GPHB5: variants seen among roughly 807,000 people sequenced by gnomAD.
The protein encoded by GPHB5 is glycoprotein hormone beta-5.
A neutral mutation model predicts 10.1 loss-of-function variants in GPHB5; 7 were observed. That is an observed-to-expected ratio of 0.69 (90% confidence interval 0.39 to 1.30). The LOEUF (loss-of-function observed/expected upper bound fraction) is 1.30, where lower values mean the gene tolerates loss of function less well. Among genes scored for constraint, GPHB5 ranks in the 50% most tolerant of loss-of-function variants. The pLI, the probability that GPHB5 is intolerant of heterozygous loss-of-function variation, is 0.01. For synonymous variants in GPHB5, 68 were observed against 70.1 expected (o/e 0.97, Z 0.15); for missense variants, 161 against 169.8 (o/e 0.95, Z 0.29).
In GPHB5 at chr14:63,313,033, C is replaced by T; in HGVS notation, c.288G>A (p.Leu96=). The part of the protein sequence containing the change: ...YNETKQVTVK[L]PNCAPGVDPF... ...GGTCGACTCCCGGGGCACAGTTGGG[C>T]AGCTTGACAGTCACCTGTTTGGTCT... The change falls in exon 3 of 3, where the codon CTG becomes CTA. Residue 96 remains leucine (L), a synonymous_variant. Transcript: ENST00000621500. 1 of 1,602,688 alleles carries T rather than the reference C, an allele frequency of 6.2e-7. No homozygotes were observed. Among genetic ancestry groups the T allele is most frequent in the South Asian group, 1.1e-5 (1 of 88,532 alleles).
chr14:63,313,439 C>T (rs1325126712), intron 2 of GPHB5, among the ~76,000 whole-genome samples: 2 of 152,146 alleles, frequency 1.3e-5, no homozygotes, highest in East Asian at 1.9e-4. Flanking sequence ...TGCAACACAG[C>T]GGCCCTGAGT....
chr14:63,314,968 T>C (rs923076704), intron 2 of GPHB5, among the ~76,000 whole-genome samples: 11 of 149,486 alleles, frequency 7.4e-5, no homozygotes, highest in Non-Finnish European at 1.5e-4. Context: ...AGTGGCATGA[T>C]CTTGGCTCAC....
At chr14:63,314,700 C>A (rs1882738899) in intron 2 of GPHB5, among the ~76,000 whole-genome samples, 1 of 152,058 alleles carries the variant, frequency 6.6e-6, no homozygotes, top group South Asian at 2.1e-4. Context: ...GCGTGAGCCA[C>A]CACGCCCAGC....
Position 63,317,269 on chromosome 14 carries a change from T to A in GPHB5, c.204+377A>T, listed in dbSNP as rs552164174. Among the ~76,000 whole-genome samples the A allele has an allele frequency of 7.9e-5, 12 of 152,222 alleles. No homozygotes were observed. The South Asian group carries it at 2.5e-3, about 32-fold the overall frequency. On this transcript the variant is annotated intron_variant, in intron 2 of 2. Transcript: ENST00000621500. ...ATAGGGAGGAGTTTGGGTCACAAGC[T>A]TGAACCACAGATTGATTCCCAGCTT...
intron 2 of GPHB5, among the ~76,000 whole-genome samples, chr14:63,316,539 T>G (rs1404403317): frequency 6.6e-6 from 1 of 151,832 alleles, no homozygotes; most frequent in East Asian, 1.9e-4. Flanking sequence ...AGACGAAAAG[T>G]AGAGCATAGT....
At chr14:63,316,955 C>G (rs1257117308) in intron 2 of GPHB5, among the ~76,000 whole-genome samples, 2 of 152,212 alleles carry the variant, frequency 1.3e-5, no homozygotes, top group African/African-American at 4.8e-5. Context: ...AGCTCTCTTC[C>G]TCTTCATCAC....
At chr14:63,313,951 T>TA (rs764574444) in intron 2 of GPHB5, among the ~76,000 whole-genome samples, 2 of 152,186 alleles carry the variant, frequency 1.3e-5, no homozygotes, top group Non-Finnish European at 2.9e-5. Flanking sequence ...CTCTAGAAAG[T>TA]AAGCTCTTTT....
chr14:63,315,658 T>G (rs915678004), intron 2 of GPHB5, among the ~76,000 whole-genome samples: 1 of 152,230 alleles, frequency 6.6e-6, no homozygotes, highest in African/African-American at 2.4e-5. Context: ...TTTTCAGACA[T>G]GCTTTCAGTT....
At chr14:63,317,279 G>A (rs1255579) in intron 2 of GPHB5, among the ~76,000 whole-genome samples, 60,873 of 151,870 alleles carry the variant, frequency 0.4, 13,835 homozygotes, top group African/African-American at 0.62. Context: ...TTGAACCACA[G>A]ATTGATTCCC....
rs970692911 is a variant in GPHB5, at chr14:63,313,042, A to G, written c.279T>C (p.Thr93=). The G allele has an allele frequency of 3.7e-6, 6 of 1,605,184 alleles. No individual in the cohort carries two copies. The African/African-American group carries it at 4.0e-5, about 11-fold the overall frequency. Reference sequence around the variant, plus strand: ...CCGGGGCACAGTTGGGCAGCTTGACAGTCACCTGTTTGGTCTCGTTGTAGG... The same window carrying G: ...CCGGGGCACAGTTGGGCAGCTTGACGGTCACCTGTTTGGTCTCGTTGTAGG... The part of the protein sequence containing the change: ...VCTYNETKQV[T]VKLPNCAPGV... Residue 93 remains threonine, a synonymous_variant, in exon 3 of 3, where the codon ACT becomes ACC. Transcript: ENST00000621500.
At chr14:63,313,431 CA>C (rs1882708833) in intron 2 of GPHB5, among the ~76,000 whole-genome samples, 1 of 152,194 alleles carries the variant, frequency 6.6e-6, no homozygotes, top group African/African-American at 2.4e-5. Context: ...AATCTATTTG[CA>C]ACACAGCGGC....
At chr14:63,314,651 A>G (rs923777225) in intron 2 of GPHB5, among the ~76,000 whole-genome samples, 8 of 152,022 alleles carry the variant, frequency 5.3e-5, no homozygotes, top group African/African-American at 1.9e-4. Context: ...TGACCTCGTG[A>G]TCTGCCTGCC....
Position 63,312,966 on chromosome 14 carries a change from C to A in GPHB5, c.355G>T (p.Ala119Ser). The change falls in exon 3 of 3, where the codon GCC (alanine) becomes TCC (serine). Residue 119 changes from alanine (A) to serine (S), a missense_variant. Physicochemically the swap from Ala to Ser is moderately conservative, Grantham distance 99. Transcript: ENST00000621500. ...YPVAIRCDCG[A>S]CSTATTECET... is the part of the protein sequence containing the mutation. Reference sequence around the variant, plus strand: ...CACTCCGTGGTGGCAGTGGAGCAGGCTCCGCAGTCACAGCGGATGGCCACG... The same window carrying A: ...CACTCCGTGGTGGCAGTGGAGCAGGATCCGCAGTCACAGCGGATGGCCACG... 6.4e-7 allele frequency: 1 copy of A among 1,555,940 alleles called. No individual in the cohort carries two copies. The highest frequency in any genetic ancestry group is 8.7e-7 in the Non-Finnish European group (1 of 1,149,406).
Position 63,318,883 on chromosome 14 carries a change from A to C in GPHB5, c.-61T>G, listed in dbSNP as rs1330012551. 6.6e-6 allele frequency: 1 copy of C among 152,212 alleles called. No homozygotes were observed. The highest frequency in any genetic ancestry group is 1.5e-5 in the Non-Finnish European group (1 of 68,030). The allele number at this position is 152,212 out of a possible 1,614,324, so 9.4% of individuals were successfully genotyped here. ...TGAAACTTGCACTAAGATTTCAGGA[A>C]GTCACAATGAATGGTAGAAGTTTGC... is the stretch of plus-strand genomic sequence containing the variant. On this transcript the variant is annotated 5_prime_UTR_variant, in exon 1 of 3. Coordinates refer to ENST00000621500, the MANE Select transcript of GPHB5 (RefSeq NM_145171.4).
Position 63,313,082 on chromosome 14 carries a change from T to C in GPHB5, c.239A>G (p.His80Arg), listed in dbSNP as rs538332945. ...CTCGTTGTAGGTACAGACTCGATGA[T>C]GGGCTTCAATATAGGGGGGTTCCAG... is the stretch of plus-strand genomic sequence containing the variant. ...PILEPPYIEAHHRVCTYNETK... is the reference protein window; with the variant it reads ...PILEPPYIEARHRVCTYNETK... The change falls in exon 3 of 3, where the codon CAT becomes CGT. Residue 80 changes from histidine (H) to arginine (R), a missense_variant. By Grantham distance (29) the His-to-Arg change is conservative. Transcript: ENST00000621500. The C allele has an allele frequency of 3.1e-6, 5 of 1,606,064 alleles. No individual in the cohort carries two copies. The East Asian group carries it at 9.0e-5, about 29-fold the overall frequency.
intron 2 of GPHB5, among the ~76,000 whole-genome samples, chr14:63,314,886 CCTTTTTTTTTTCTTTTTTCTT>C (rs1555382843): frequency 2.8e-5 from 4 of 141,618 alleles, no homozygotes; most frequent in African/African-American, 1.1e-4. Flanking sequence ...AGCAGCCTTA[CCTTTTTTTTTTCTTTTTTCTT>C]TTTTTTTTTT....
chr14:63,313,122 C>T lies in GPHB5; in HGVS notation c.205-6G>A. The T allele has an allele frequency of 5.1e-6, 8 of 1,563,796 alleles. No homozygotes were observed. The highest frequency in any genetic ancestry group is 6.9e-6 in the Non-Finnish European group (8 of 1,158,034). ...GGGGGTTCCAGAATGGGTTTCTGTC[C>T]CCATAGATAGAAAACAGAGAATTCA... On this transcript the variant is annotated splice_region_variant and splice_polypyrimidine_tract_variant and intron_variant, in intron 2 of 2. Coordinates refer to ENST00000621500, the MANE Select transcript of GPHB5 (RefSeq NM_145171.4).
chr14:63,317,902 A>T (rs1216583393), intron 1 of GPHB5, 52 bp from the exon 2 acceptor site: 1 of 1,526,780 alleles, frequency 6.5e-7, no homozygotes, highest in African/African-American at 1.4e-5. Context: ...GGCTGCCTTC[A>T]ATGGCACAGC....
At position 63,317,726 on chromosome 14, in the gene GPHB5, T is replaced by A; in HGVS notation, c.124A>T (p.Thr42Ser). The A allele has an allele frequency of 6.2e-7, 1 of 1,613,934 alleles. No individual in the cohort carries two copies. ...CAGCCTGGCTTCTTGGCCAGGAAAG[T>A]AAACTCCCTCACGGCACAGCCCACA... is the stretch of plus-strand genomic sequence containing the variant. ...TFVGCAVREF[T>S]FLAKKPGCRG... is the part of the protein sequence containing the mutation. The change falls in exon 2 of 3, where the codon ACT (threonine) becomes TCT (serine). Residue 42 changes from threonine (T) to serine (S), a missense_variant. Physicochemically the swap from Thr to Ser is moderately conservative, Grantham distance 58. Transcript: ENST00000621500.
Sources: gnomAD v4.1 joint callset for allele counts (sites outside exome capture counted in the v4.1 genomes callset) on GRCh38, gnomAD v4.1.1 for gene constraint, MANE v1.5 for transcripts, NCBI Gene and HGNC (gene_info 2026-07-23, HGNC 2026-07-21) for gene names.